Variants in PAMR1 observed in about 807,000 individuals in gnomAD.
PAMR1 encodes the protein inactive serine protease PAMR1.
Under a neutral mutation model 81.8 loss-of-function variants are expected in PAMR1, and 88 were observed. That is an observed-to-expected ratio of 1.08 (90% CI 0.91 to 1.28). The LOEUF is 1.28. Ranked by LOEUF, PAMR1 falls within the 50% of genes most tolerant of loss-of-function variation. The pLI is 0.00. For synonymous variants in PAMR1, 336 were observed against 345.3 expected (o/e 0.97, Z 0.30); for missense variants, 935 against 919.7 (o/e 1.02, Z -0.21).
intron 8 of PAMR1, 86 bp downstream of exon 8, chr11:35,439,541 C>A: frequency 9.0e-7 from 1 of 1,111,532 alleles, no homozygotes; most frequent in Non-Finnish European, 1.4e-6. Flanking sequence ...AACTGACTAT[C>A]TTTGGCCAAA....
chr11:35,470,761 A>T lies in PAMR1; in HGVS notation c.552T>A (p.Val184=). Residue 184 remains valine, a synonymous_variant, in exon 5 of 11, where the codon GTT becomes GTA. Transcript: ENST00000619888. ...DYMCQYDYVE[V]RDGDNRDGQI... The stretch of plus-strand genomic sequence containing the variant: ...GGCCATCGCGGTTGTCTCCATCACG[A>T]ACCTCAACATAGTCATACTGGCACA... 6.2e-7 allele frequency: 1 copy of T among 1,614,146 alleles called. No individual in the cohort carries two copies. Among genetic ancestry groups the T allele is most frequent in the Non-Finnish European group, 8.5e-7 (1 of 1,180,020 alleles).
At chr11:35,473,672 C>G (rs899838324) in intron 4 of PAMR1, among the ~76,000 whole-genome samples, 1 of 152,124 alleles carries the variant, frequency 6.6e-6, no homozygotes, top group Admixed American at 6.5e-5. Context: ...TTTTCTAATT[C>G]AGGGTACCAT....
At chr11:35,474,326 G>T (rs1850244715) in intron 4 of PAMR1, among the ~76,000 whole-genome samples, 1 of 152,212 alleles carries the variant, frequency 6.6e-6, no homozygotes. Flanking sequence ...ATAGGAACCA[G>T]CCCAGTCCGA....
intron 3 of PAMR1, among the ~76,000 whole-genome samples, chr11:35,483,918 G>A (rs1000266646): frequency 3.9e-5 from 6 of 152,124 alleles, no homozygotes; most frequent in South Asian, 4.1e-4. Context: ...ACTTTGTCTG[G>A]TGAAGACTAC....
rs1268031617 is a variant in PAMR1, at chr11:35,432,821, G to A, written c.1698C>T (p.Leu566=). 6.2e-7 allele frequency: 1 copy of A among 1,605,116 alleles called. No individual in the cohort carries two copies. The highest frequency in any genetic ancestry group is 2.2e-5 in the East Asian group (1 of 44,882). Residue 566 remains leucine, a synonymous_variant, in exon 11 of 11, where the codon CTC becomes CTT. Transcript: ENST00000619888. The part of the protein sequence containing the change: ...LLDADIAILK[L]LDKARISTRV... The stretch of plus-strand genomic sequence containing the variant: ...GGGTGCTGATACGGGCCTTGTCTAG[G>A]AGCTTCAGGATGGCGATGTCAGCAT...
chr11:35,492,473 T>G (rs550702469), intron 2 of PAMR1, among the ~76,000 whole-genome samples: 1 of 152,316 alleles, frequency 6.6e-6, no homozygotes, highest in Admixed American at 6.5e-5. Flanking sequence ...ATAGAGTCTT[T>G]TGTATAAATG....
At chr11:35,489,987 G>A (rs1400673879) in intron 3 of PAMR1, among the ~76,000 whole-genome samples, 2 of 152,222 alleles carry the variant, frequency 1.3e-5, no homozygotes, top group Non-Finnish European at 2.9e-5. Context: ...AGCTGAGACT[G>A]GGTAATTTGT....
intron 5 of PAMR1, 62 bp downstream of exon 5, chr11:35,470,539 G>A: frequency 1.6e-6 from 2 of 1,251,716 alleles, no homozygotes; most frequent in South Asian, 2.5e-5. Flanking sequence ...GAAGGGACAT[G>A]GAAAGGAGAT....
intron 6 of PAMR1, among the ~76,000 whole-genome samples, chr11:35,456,380 C>T (rs1856534194): frequency 6.6e-6 from 1 of 152,144 alleles, no homozygotes; most frequent in Non-Finnish European, 1.5e-5. Context: ...TGGGTTCATA[C>T]CACTTAGCCT....
At chr11:35,470,456 C>A in intron 5 of PAMR1, 145 bp downstream of exon 5, 1 of 649,178 alleles carries the variant, frequency 1.5e-6, no homozygotes, top group East Asian at 2.7e-5. Context: ...CTTGCTATTT[C>A]TTTTTTCTCA....
chr11:35,515,321 A>G (rs1851142272), intron 1 of PAMR1, among the ~76,000 whole-genome samples: 1 of 152,214 alleles, frequency 6.6e-6, no homozygotes. Flanking sequence ...AGCAGAAGCC[A>G]GATTTTCTGT....
rs1360184016 is a variant in PAMR1, at chr11:35,494,273, C to A, written c.74-1G>T. ...CAGGCTTCATTAATGACTGTGTACT[C>A]TGAAATGGAAAACCAGCAGGTGAGG... On this transcript the variant is annotated splice_acceptor_variant, in intron 1 of 10. Coordinates refer to ENST00000619888, the MANE Select transcript of PAMR1 (RefSeq NM_001001991.3). LOFTEE classifies it high-confidence loss of function. 2 of 1,613,316 alleles carry A rather than the reference C, an allele frequency of 1.2e-6. No homozygotes were observed. Among genetic ancestry groups the A allele is most frequent in the Non-Finnish European group, 1.7e-6 (2 of 1,179,654 alleles).
chr11:35,440,696 C>A (rs953502866), intron 7 of PAMR1, among the ~76,000 whole-genome samples: 2 of 152,216 alleles, frequency 1.3e-5, no homozygotes, highest in African/African-American at 4.8e-5. Context: ...AAGGTTCAAA[C>A]TTCTCTATAC....
chr11:35,466,799 C>A (rs1856766739), intron 6 of PAMR1, among the ~76,000 whole-genome samples: 1 of 147,620 alleles, frequency 6.8e-6, no homozygotes, highest in African/African-American at 2.5e-5. Flanking sequence ...TTAGAGAATA[C>A]TGCCAGACCA....
intron 3 of PAMR1, among the ~76,000 whole-genome samples, chr11:35,477,119 C>A (rs1439329298): frequency 6.6e-6 from 1 of 152,152 alleles, no homozygotes; most frequent in Non-Finnish European, 1.5e-5. Context: ...CCTCCCAATT[C>A]TATGGTCAAT....
rs1004210602 is a variant in PAMR1, at chr11:35,432,680, C to T, written c.1839G>A (p.Lys613=). The change falls in exon 11 of 11, where the codon AAG becomes AAA. Residue 613 remains lysine (K), a synonymous_variant. Coordinates refer to ENST00000619888, the MANE Select transcript of PAMR1 (RefSeq NM_001001991.3). The part of the protein sequence containing the change: ...VLADVRSPGF[K]NDTLRSGVVS... ...CCACCCCAGAGCGCAGTGTGTCGTT[C>T]TTGAAGCCAGGGCTCCTCACGTCTG... The T allele has an allele frequency of 6.2e-7, 1 of 1,613,446 alleles. No individual in the cohort carries two copies. The highest frequency in any genetic ancestry group is 8.5e-7 in the Non-Finnish European group (1 of 1,179,364).
chr11:35,529,864 TAGAC>T (rs1268521495), upstream of PAMR1: 1 of 152,198 alleles, frequency 6.6e-6, no homozygotes, highest in African/African-American at 2.4e-5. Context: ...TTGGCTGTAA[TAGAC>T]AGAGTCAGGC....
chr11:35,463,924 T>C (rs1856710924), intron 6 of PAMR1, among the ~76,000 whole-genome samples: 1 of 152,206 alleles, frequency 6.6e-6, no homozygotes, highest in African/African-American at 2.4e-5. Context: ...ATGGAATTCC[T>C]TTGCAAATAA....
At chr11:35,473,396 G>T (rs1008243610) in intron 4 of PAMR1, among the ~76,000 whole-genome samples, 39 of 152,128 alleles carry the variant, frequency 2.6e-4, no homozygotes, top group Non-Finnish European at 5.1e-4. Flanking sequence ...GCTCCTCAGA[G>T]GCCCAGAGGG....
Sources: allele counts gnomAD v4.1 joint callset (sites outside exome capture counted in the v4.1 genomes callset), GRCh38; gene constraint gnomAD v4.1.1; transcripts MANE v1.5; gene names NCBI Gene and HGNC (gene_info 2026-07-23, HGNC 2026-07-21).